Variants in CAST observed in about 807,000 individuals in gnomAD.
CAST encodes calpastatin, also known as MIR583 host.
Under a neutral mutation model 119.6 loss-of-function variants are expected in CAST, and 76 were observed. The ratio of observed to expected loss-of-function variants is 0.64; its 90% confidence interval spans 0.53 to 0.77. The LOEUF (loss-of-function observed/expected upper bound fraction) is 0.77. Ranked by LOEUF, CAST falls within the 30% of genes least tolerant of loss-of-function variation. The probability of loss-of-function intolerance (pLI) is 0.00; values close to 1 mark genes in which losing one functional copy is unlikely to be tolerated. For synonymous variants in CAST, 319 were observed against 331.6 expected, an observed-to-expected ratio of 0.96 and a Z score of 0.41; for missense variants, 953 against 946.5, an observed-to-expected ratio of 1.01 and a Z score of -0.09.
intron 1 of CAST, among the ~76,000 whole-genome samples, chr5:96,569,480 TC>T (rs1189829887): frequency 6.6e-6 from 1 of 152,212 alleles, no homozygotes; most frequent in Non-Finnish European, 1.5e-5. Flanking sequence ...ATGCCGCTGT[TC>T]TTATAAGCCA....
At chr5:96,499,020 A>AT in the CAST span, among the ~76,000 whole-genome samples, 11 of 148,434 alleles carry the variant, frequency 7.4e-5, no homozygotes, top group South Asian at 2.1e-3. Context: ...TCTAATAAAC[A>AT]TTGTGCAGGA....
At chr5:96,351,025 C>T in the CAST span, among the ~76,000 whole-genome samples, 1 of 152,178 alleles carries the variant, frequency 6.6e-6, no homozygotes, top group South Asian at 2.1e-4. Flanking sequence ...TATTTATCTA[C>T]AAAATGTGAA....
the CAST span, among the ~76,000 whole-genome samples, chr5:96,283,044 G>A: frequency 6.7e-6 from 1 of 149,268 alleles, no homozygotes; most frequent in Non-Finnish European, 1.5e-5. Flanking sequence ...GCAGGAGAAT[G>A]GCGTGAACCC....
the CAST span, among the ~76,000 whole-genome samples, chr5:96,159,011 C>T: frequency 3.3e-5 from 5 of 152,278 alleles, no homozygotes; most frequent in African/African-American, 9.6e-5. Context: ...AGCTATTTTG[C>T]TTGCCAGGTG....
intron 19 of CAST, 125 bp downstream of exon 19, chr5:96,748,738 G>C (rs1764326931): frequency 1.8e-6 from 1 of 555,846 alleles, no homozygotes; most frequent in African/African-American, 1.9e-5. Context: ...TTTTTTCCAT[G>C]TCATTTTTGT....
intron 1 of CAST, among the ~76,000 whole-genome samples, chr5:96,615,600 A>G (rs1747439966): frequency 6.6e-6 from 1 of 152,212 alleles, no homozygotes; most frequent in South Asian, 2.1e-4. Context: ...GCCAGGCCCC[A>G]GGGAAGGAGG....
At chr5:96,468,747 G>T in the CAST span, among the ~76,000 whole-genome samples, 2 of 152,072 alleles carry the variant, frequency 1.3e-5, no homozygotes, top group Admixed American at 1.3e-4. Context: ...GAGCAGTTGT[G>T]TTTGTGCATT....
At chr5:96,679,881 C>G (rs78265520) in intron 2 of CAST, among the ~76,000 whole-genome samples, 3,535 of 152,002 alleles carry the variant, frequency 0.023, 142 homozygotes, top group African/African-American at 0.081. Flanking sequence ...CAATATTACC[C>G]TGAGTCTTAC....
At chr5:96,058,346 T>C in the CAST span, among the ~76,000 whole-genome samples, 58 of 152,252 alleles carry the variant, frequency 3.8e-4, no homozygotes, top group East Asian at 7.9e-3. Flanking sequence ...GCTCTAGAGA[T>C]TCCCAGTGTT....
chr5:96,708,763 T>C lies in CAST; in HGVS notation c.210+12856T>C, dbSNP rs563447911. The stretch of plus-strand genomic sequence containing the variant: ...GCCTCGGCCTCCTTCTTCACCTCTA[T>C]TTCTTTCTTCACTACTCAACCCGAG... On this transcript the variant is annotated intron_variant, in intron 3 of 31. Transcript: ENST00000675179. 5.8e-4 allele frequency among the ~76,000 whole-genome samples: 88 copies of C among 152,338 alleles called. 3 individuals are homozygous for C. In the South Asian group the frequency reaches 0.017, roughly 30 times the overall value.
At chr5:96,586,277 G>A (rs1746859410) in intron 1 of CAST, among the ~76,000 whole-genome samples, 1 of 152,168 alleles carries the variant, frequency 6.6e-6, no homozygotes, top group Non-Finnish European at 1.5e-5. Context: ...CCTGTGGCTA[G>A]AAATATGTTT....
intron 1 of CAST, among the ~76,000 whole-genome samples, chr5:96,672,102 G>C (rs1037012553): frequency 6.6e-6 from 1 of 152,082 alleles, no homozygotes; most frequent in Admixed American, 6.5e-5. Context: ...ATACCATTTG[G>C]GAAAATGTTC....
chr5:96,716,460 A>G (rs923053837), intron 3 of CAST, among the ~76,000 whole-genome samples: 3 of 152,356 alleles, frequency 2.0e-5, no homozygotes, highest in Admixed American at 6.5e-5. Context: ...GTGTTTATTC[A>G]TGTACAAATT....
the CAST span, among the ~76,000 whole-genome samples, chr5:96,438,918 T>C: frequency 6.6e-6 from 1 of 152,204 alleles, no homozygotes; most frequent in Non-Finnish European, 1.5e-5. Context: ...AACTTCTCAT[T>C]CCACATGTCA....
chr5:96,110,126 G>T, the CAST span, among the ~76,000 whole-genome samples: 1 of 152,070 alleles, frequency 6.6e-6, no homozygotes, highest in African/African-American at 2.4e-5. Context: ...TTAGAGAATG[G>T]GGTGACATAC....
the CAST span, among the ~76,000 whole-genome samples, chr5:96,513,996 G>T: frequency 6.6e-6 from 1 of 152,274 alleles, no homozygotes; most frequent in South Asian, 2.1e-4. Context: ...GGCTGTCACA[G>T]AATACTTTTC....
the CAST span, among the ~76,000 whole-genome samples, chr5:95,984,161 A>C: frequency 6.6e-6 from 1 of 151,898 alleles, no homozygotes; most frequent in Non-Finnish European, 1.5e-5. Context: ...TTATTTGTTG[A>C]ATTTATTGGA....
chr5:96,716,982 T>TA (rs1364908354), intron 3 of CAST, among the ~76,000 whole-genome samples: 3 of 152,210 alleles, frequency 2.0e-5, no homozygotes, highest in African/African-American at 7.2e-5. Context: ...TCTGATTTAT[T>TA]AAGTGTGTTC....
intron 27 of CAST, among the ~76,000 whole-genome samples, chr5:96,766,962 A>G (rs1286259611): frequency 6.6e-6 from 1 of 152,148 alleles, no homozygotes; most frequent in Non-Finnish European, 1.5e-5. Flanking sequence ...TAGCAATTCC[A>G]CATCCTGCTA....
Sources: gnomAD v4.1 joint callset for allele counts (sites outside exome capture counted in the v4.1 genomes callset) on GRCh38, gnomAD v4.1.1 for gene constraint, MANE v1.5 for transcripts, NCBI Gene and HGNC (gene_info 2026-07-23, HGNC 2026-07-21) for gene names.